The following ADAR variants were observed in gnomAD, a reference collection of about 807,000 sequenced individuals.
ADAR encodes adenosine deaminase RNA specific.
In ADAR, 41 loss-of-function variants were observed where a neutral mutation model predicts 113.2. That is an observed-to-expected ratio of 0.36 (90% CI 0.28 to 0.47). The LOEUF (loss-of-function observed/expected upper bound fraction) is 0.47. Among genes scored for constraint, ADAR ranks in the 20% least tolerant of loss-of-function variants. The pLI, the probability that ADAR is intolerant of heterozygous loss-of-function variation, is 1.00. For missense variants in ADAR, 1,242 were observed against 1,540.9 expected, an observed-to-expected ratio of 0.81 and a Z score of 3.25; for synonymous variants, 605 against 572.6, an observed-to-expected ratio of 1.06 and a Z score of -0.81.
At chr1:154,609,046 T>C (rs1264989909), upstream of ADAR, among the ~76,000 whole-genome samples, 2 of 152,208 alleles carry the variant, frequency 1.3e-5, no homozygotes, top group Non-Finnish European at 2.9e-5. Flanking sequence ...TTACATGTAT[T>C]ATCTCCCTTA....
intron 1 of ADAR, among the ~76,000 whole-genome samples, chr1:154,625,653 G>A (rs1557908052): frequency 6.6e-6 from 1 of 152,198 alleles, no homozygotes. Context: ...GAGGTCAGGA[G>A]TTCGAGACCA....
Position 154,597,105 on chromosome 1 carries a change from A to G in ADAR, c.2079+18T>C, listed in dbSNP as rs767225858. On this transcript the variant is annotated intron_variant, in intron 5 of 14. Coordinates refer to ENST00000368474, the MANE Select transcript of ADAR (RefSeq NM_001111.5). ...TGCTAAAAATGACCTGTATCTTTTG[A>G]GTAGGAAAACGCCCTACCTGGTTAT... 6.2e-7 allele frequency: 1 copy of G among 1,614,184 alleles called. No individual in the cohort carries two copies. The highest frequency in any genetic ancestry group is 8.5e-7 in the Non-Finnish European group (1 of 1,180,022).
At chr1:154,616,628 T>A (rs1332304850) in intron 1 of ADAR, among the ~76,000 whole-genome samples, 3 of 152,184 alleles carry the variant, frequency 2.0e-5, no homozygotes, top group African/African-American at 4.8e-5. Context: ...TAATTTTACA[T>A]TTCTTCATGT....
upstream of ADAR, among the ~76,000 whole-genome samples, chr1:154,611,127 G>A (rs1698473953): frequency 6.6e-6 from 1 of 152,078 alleles, no homozygotes; most frequent in Non-Finnish European, 1.5e-5. Context: ...AGTAACAGGA[G>A]TTATATCTTA....
rs571523941 is a variant in ADAR, at chr1:154,582,119, T to G, written c.*2687A>C. On this transcript the variant is annotated 3_prime_UTR_variant, in exon 15 of 15. Coordinates refer to ENST00000368474, the MANE Select transcript of ADAR (RefSeq NM_001111.5). ...TGAGGAATGTATATTGTTAAGTCAC[T>G]GTTATCAAGGGACACATAAAAGCAG... is the stretch of plus-strand genomic sequence containing the variant. 1 of 152,670 alleles carries G rather than the reference T, an allele frequency of 6.6e-6. No homozygotes were observed. The highest frequency in any genetic ancestry group is 2.1e-4 in the South Asian group (1 of 4,824). 9.5% of individuals were successfully genotyped at this position (152,670 alleles called of 1,614,324 possible).
In ADAR at chr1:154,597,218, C is replaced by A. The variant is rs1351260147; in HGVS notation, c.1984G>T (p.Ala662Ser). ...TGCTTTGCCACTTTCTTGCTGGGAG[C>A]ACTCACACTGGGGAAAGTTTGGGCT... is the stretch of plus-strand genomic sequence containing the variant. Reference protein sequence around the residue: ...VGAQTFPSVSAPSKKVAKQMA... With the variant: ...VGAQTFPSVSSPSKKVAKQMA... Residue 662 changes from alanine (A) to serine (S), a missense_variant, in exon 5 of 15, where the codon GCT becomes TCT. Physicochemically the swap from Ala to Ser is moderately conservative, Grantham distance 99. Coordinates refer to ENST00000368474, the MANE Select transcript of ADAR (RefSeq NM_001111.5). 6.2e-7 allele frequency: 1 copy of A among 1,614,194 alleles called. No individual in the cohort carries two copies. The highest frequency in any genetic ancestry group is 1.7e-5 in the Admixed American group (1 of 60,028).
chr1:154,611,429 GT>G (rs768429344), upstream of ADAR, among the ~76,000 whole-genome samples: 104 of 150,646 alleles, frequency 6.9e-4, 1 homozygote, highest in Non-Finnish European at 1.3e-4. Context: ...CTCAGTAATT[GT>G]TTTAACTCCC....
chr1:154,588,491 G>A, intron 10 of ADAR, 60 bp downstream of exon 10: 3 of 1,606,092 alleles, frequency 1.9e-6, no homozygotes, highest in Non-Finnish European at 2.5e-6. Context: ...AGAGCATTTG[G>A]ATACCCAATT....
chr1:154,589,280 G>T, intron 9 of ADAR, 89 bp downstream of exon 9: 1 of 1,007,812 alleles, frequency 9.9e-7, no homozygotes. Flanking sequence ...GTCTGAGGGG[G>T]ATTCAGAGGC....
rs1363403968 is a variant in ADAR, at chr1:154,588,219, G to A, written c.2925C>T (p.Ser975=). The change falls in exon 11 of 15, where the codon TCC becomes TCT. Residue 975 remains serine (S), a synonymous_variant. Coordinates refer to ENST00000368474, the MANE Select transcript of ADAR (RefSeq NM_001111.5). ...TGCTTTCCATAGCACGGTCGCTGCAGGACTTGTCAAAGAGGGCGCCATCTC... is the reference window on the plus strand; with the variant it reads ...TGCTTTCCATAGCACGGTCGCTGCAAGACTTGTCAAAGAGGGCGCCATCTC... ...PCGDGALFDK[S]CSDRAMESTE... is the part of the protein sequence containing the mutation. The A allele has an allele frequency of 6.2e-7, 1 of 1,614,114 alleles. No homozygotes were observed. Among genetic ancestry groups the A allele is most frequent in the Non-Finnish European group, 8.5e-7 (1 of 1,180,026 alleles).
chr1:154,591,529 G>A (rs961610478), intron 6 of ADAR, among the ~76,000 whole-genome samples: 1 of 152,262 alleles, frequency 6.6e-6, no homozygotes, highest in African/African-American at 2.4e-5. Context: ...AAGTGCCCAA[G>A]TGGAGCAGGG....
intron 6 of ADAR, among the ~76,000 whole-genome samples, chr1:154,594,872 A>G (rs1441681323): frequency 6.6e-6 from 1 of 152,246 alleles, no homozygotes; most frequent in Non-Finnish European, 1.5e-5. Flanking sequence ...AAAACAGAAG[A>G]TATACTTGTT....
chr1:154,603,494 C>A (rs1312737219), intron 1 of ADAR, among the ~76,000 whole-genome samples: 2 of 152,154 alleles, frequency 1.3e-5, no homozygotes, highest in African/African-American at 4.8e-5. Flanking sequence ...CCACCTCAGA[C>A]CAGTCCTACC....
chr1:154,590,786 TA>T (rs5777920), intron 6 of ADAR, among the ~76,000 whole-genome samples: 81,412 of 119,010 alleles, frequency 0.68, 23,815 homozygotes, highest in African/African-American at 0.77. Flanking sequence ...CCCTGTCTCT[TA>T]AAAAAAAAAA....
At chr1:154,627,914 A>AGCCCCCCCCCCCCCCC in exon 1 of ADAR, 1 of 463,320 alleles carries the variant, frequency 2.2e-6, no homozygotes, top group South Asian at 1.5e-5. Context: ...TGCGGCCGCG[A>AGCCCCCCCCCCCCCCC]CCCTCCCCCC....
At chr1:154,595,693 G>A (rs1697448108) in intron 6 of ADAR, among the ~76,000 whole-genome samples, 1 of 152,090 alleles carries the variant, frequency 6.6e-6, no homozygotes, top group Non-Finnish European at 1.5e-5. Flanking sequence ...GTTACAGTAA[G>A]CTAAGGTTAA....
At position 154,590,345 on chromosome 1, in the gene ADAR, G is replaced by C; in HGVS notation, c.2335C>G (p.Gln779Glu). 1.9e-6 allele frequency: 3 copies of C among 1,614,112 alleles called. No homozygotes were observed. The highest frequency in any genetic ancestry group is 1.3e-5 in the African/African-American group (1 of 75,010). The stretch of plus-strand genomic sequence containing the variant: ...GCATCTGCTGCTTCCTGCTTGCCTT[G>C]CTTCTTGCTGTGTGCGCAGACGGCT... Reference protein sequence around the residue: ...FPAVCAHSKKQGKQEAADAAL... With the variant: ...FPAVCAHSKKEGKQEAADAAL... Residue 779 changes from glutamine to glutamate, a missense_variant, in exon 7 of 15, where the codon CAA becomes GAA. Physicochemically the swap from Gln to Glu is conservative, Grantham distance 29. Coordinates refer to ENST00000368474, the MANE Select transcript of ADAR (RefSeq NM_001111.5).
Position 154,598,548 on chromosome 1 carries a change from G to C in ADAR, c.1639C>G (p.Pro547Ala). The C allele has an allele frequency of 6.2e-7, 1 of 1,614,222 alleles. No homozygotes were observed. The highest frequency in any genetic ancestry group is 8.5e-7 in the Non-Finnish European group (1 of 1,180,046). ...FQVVINGREF[P>A]PAEAGSKKVA... The stretch of plus-strand genomic sequence containing the variant: ...TTCTTGCTTCCAGCTTCAGCTGGGG[G>C]AAACTCTCGGCCATTGATGACAACC... The change falls in exon 3 of 15, where the codon CCC (proline) becomes GCC (alanine). Residue 547 changes from proline (P) to alanine (A), a missense_variant. Physicochemically the swap from Pro to Ala is conservative, Grantham distance 27. Around this residue, in one of 2 missense-constraint regions of ADAR, gnomAD observed 780 missense variants for 1,057.9 expected, o/e 0.74. Coordinates refer to ENST00000368474, the MANE Select transcript of ADAR (RefSeq NM_001111.5).
intron 2 of ADAR, chr1:154,600,617 G>A (rs1256788818): frequency 1.1e-5 from 3 of 264,944 alleles, no homozygotes; most frequent in Non-Finnish European, 2.2e-5. Context: ...GGGACTACAG[G>A]TGCACGCCAC....
Sources: allele counts gnomAD v4.1 joint callset (sites outside exome capture counted in the v4.1 genomes callset), GRCh38; gene constraint gnomAD v4.1.1; regional missense constraint gnomAD v4.1.1; transcripts MANE v1.5; gene names NCBI Gene and HGNC (gene_info 2026-07-23, HGNC 2026-07-21).